Variants in ENTREP2 observed in about 807,000 individuals in gnomAD.
ENTREP2 encodes the protein endosomal transmembrane epsin interactor 2.
chr15:29,371,349 AACACACACACACACAC>A, the ENTREP2 span, among the ~76,000 whole-genome samples: 2 of 133,980 alleles, frequency 1.5e-5, no homozygotes, highest in Admixed American at 7.4e-5. Flanking sequence ...CACCCCCGCA[AACACACACACACACAC>A]ACACACACAC....
At chr15:29,481,553 C>A in the ENTREP2 span, among the ~76,000 whole-genome samples, 1 of 152,174 alleles carries the variant, frequency 6.6e-6, no homozygotes, top group South Asian at 2.1e-4. Context: ...CTGTACTCTG[C>A]AACTCCACTA....
the ENTREP2 span, among the ~76,000 whole-genome samples, chr15:29,674,096 T>C: frequency 9.5e-6 from 1 of 105,402 alleles, no homozygotes; most frequent in Non-Finnish European, 2.0e-5. Flanking sequence ...CCAGGGTGTG[T>C]GGGACTCAGC....
chr15:29,346,887 T>C, the ENTREP2 span, among the ~76,000 whole-genome samples: 1 of 152,218 alleles, frequency 6.6e-6, no homozygotes, highest in African/African-American at 2.4e-5. Context: ...ACATCTTAAA[T>C]GAAAGCTCTG....
the ENTREP2 span, among the ~76,000 whole-genome samples, chr15:29,538,200 G>A: frequency 2.0e-4 from 30 of 152,246 alleles, no homozygotes; most frequent in African/African-American, 6.5e-4. Flanking sequence ...GAAAGAAGAG[G>A]TGGGTGACTA....
chr15:29,608,554 T>TTTATTTA, the ENTREP2 span, among the ~76,000 whole-genome samples: 2 of 140,628 alleles, frequency 1.4e-5, no homozygotes, highest in Non-Finnish European at 3.1e-5. Flanking sequence ...TTATTATTTA[T>TTTATTTA]TTATTATTAT....
chr15:29,579,265 G>T, the ENTREP2 span, among the ~76,000 whole-genome samples: 1 of 152,224 alleles, frequency 6.6e-6, no homozygotes, highest in African/African-American at 2.4e-5. Flanking sequence ...GTTGCTTAGA[G>T]AAATAAGCAT....
At chr15:29,308,954 C>T in the ENTREP2 span, among the ~76,000 whole-genome samples, 3 of 152,206 alleles carry the variant, frequency 2.0e-5, no homozygotes, top group African/African-American at 2.4e-5. Flanking sequence ...CCTCCCCACA[C>T]AGTGTACCTG....
At chr15:29,662,211 C>CAAAAAAAAAAA in the ENTREP2 span, among the ~76,000 whole-genome samples, 59 of 46,486 alleles carry the variant, frequency 1.3e-3, 1 homozygote, top group East Asian at 2.6e-3. Flanking sequence ...AACCCTGTCG[C>CAAAAAAAAAAA]AAAAAAAAAA....
the ENTREP2 span, among the ~76,000 whole-genome samples, chr15:29,455,993 A>G: frequency 1.3e-5 from 2 of 152,228 alleles, no homozygotes; most frequent in Non-Finnish European, 2.9e-5. Context: ...CTGATTCTAC[A>G]TTATGGTGAG....
chr15:29,482,510 C>T, the ENTREP2 span, among the ~76,000 whole-genome samples: 4 of 152,300 alleles, frequency 2.6e-5, no homozygotes, highest in East Asian at 5.8e-4. Context: ...CTCCCTCCCC[C>T]AAACCTCTGG....
chr15:29,481,785 T>C, the ENTREP2 span, among the ~76,000 whole-genome samples: 376 of 152,306 alleles, frequency 2.5e-3, no homozygotes, highest in Non-Finnish European at 4.5e-3. Context: ...AATGGTTCTC[T>C]GACTTCACGA....
At chr15:29,177,904 C>A in the ENTREP2 span, among the ~76,000 whole-genome samples, 1 of 114,118 alleles carries the variant, frequency 8.8e-6, no homozygotes, top group African/African-American at 3.3e-5. Flanking sequence ...GGAGGCAGGG[C>A]GGGAGGGATA....
chr15:29,571,305 G>A, the ENTREP2 span, among the ~76,000 whole-genome samples: 6 of 152,240 alleles, frequency 3.9e-5, no homozygotes, highest in Middle Eastern at 3.4e-3. Context: ...CTGCGCGGAG[G>A]GGCCCGATAG....
chr15:29,540,138 C>T, the ENTREP2 span, among the ~76,000 whole-genome samples: 1 of 152,212 alleles, frequency 6.6e-6, no homozygotes. Context: ...CACAGTCTTC[C>T]AGTTTAAATG....
At chr15:29,151,611 T>C in the ENTREP2 span, 1 of 691,670 alleles carries the variant, frequency 1.4e-6, no homozygotes, top group Non-Finnish European at 2.5e-6. Flanking sequence ...CAACACAAGG[T>C]GGCCTCCAGG....
the ENTREP2 span, among the ~76,000 whole-genome samples, chr15:29,641,113 AT>A: frequency 6.6e-6 from 1 of 152,202 alleles, no homozygotes; most frequent in Non-Finnish European, 1.5e-5. Flanking sequence ...ACTTGGTAAA[AT>A]TTAATACTCT....
the ENTREP2 span, among the ~76,000 whole-genome samples, chr15:29,129,927 C>G: frequency 6.6e-6 from 1 of 152,224 alleles, no homozygotes; most frequent in Admixed American, 6.5e-5. Context: ...TGGGGATACA[C>G]TTGCAAATAA....
the ENTREP2 span, among the ~76,000 whole-genome samples, chr15:29,174,702 C>CAAAAAAAAAAAAAAAA: frequency 8.6e-5 from 10 of 115,932 alleles, no homozygotes; most frequent in South Asian, 2.8e-4. Context: ...CAAAACAAAA[C>CAAAAAAAAAAAAAAAA]AAAACAACAA....
At chr15:29,324,462 A>G in the ENTREP2 span, among the ~76,000 whole-genome samples, 1 of 152,178 alleles carries the variant, frequency 6.6e-6, no homozygotes, top group Non-Finnish European at 1.5e-5. Flanking sequence ...CAATTAAAAG[A>G]CAGAAACTAT....
Sources: gnomAD v4.1 joint callset for allele counts (sites outside exome capture counted in the v4.1 genomes callset) on GRCh38, gnomAD v4.1.1 for gene constraint, MANE v1.5 for transcripts, NCBI Gene and HGNC (gene_info 2026-07-23, HGNC 2026-07-21) for gene names.